ARHGEF4: variants seen among roughly 807,000 people sequenced by gnomAD.
ARHGEF4 encodes the protein APC-stimulated guanine nucleotide exchange factor 1.
In ARHGEF4, 119 loss-of-function variants were observed where a neutral mutation model predicts 162.0. That is an observed-to-expected ratio of 0.73 (90% CI 0.63 to 0.86). The LOEUF (loss-of-function observed/expected upper bound fraction) is 0.86. Ranked by LOEUF, ARHGEF4 falls within the 40% of genes least tolerant of loss-of-function variation. ARHGEF4 has a pLI of 0.00. For synonymous variants in ARHGEF4, 1,014 were observed against 979.9 expected, an observed-to-expected ratio of 1.03 and a Z score of -0.65; for missense variants, 2,488 against 2,456.0, an observed-to-expected ratio of 1.01 and a Z score of -0.28.
chr2:130,960,029 TCATA>T (rs1684537627), intron 4 of ARHGEF4, among the ~76,000 whole-genome samples: 1 of 152,224 alleles, frequency 6.6e-6, no homozygotes, highest in African/African-American at 2.4e-5. Flanking sequence ...CATTATTAAT[TCATA>T]CATACATAAT....
chr2:130,882,046 C>T (rs577483584), intron 1 of ARHGEF4, among the ~76,000 whole-genome samples: 2 of 152,168 alleles, frequency 1.3e-5, no homozygotes, highest in Non-Finnish European at 1.5e-5. Flanking sequence ...GGACAGGAAG[C>T]GAGCCTGGGC....
intron 1 of ARHGEF4, among the ~76,000 whole-genome samples, chr2:130,843,294 G>A (rs975910480): frequency 2.6e-5 from 4 of 152,166 alleles, no homozygotes; most frequent in Non-Finnish European, 5.9e-5. Flanking sequence ...CTGCCAGGGA[G>A]CCACCTACAT....
intron 4 of ARHGEF4, among the ~76,000 whole-genome samples, chr2:130,976,342 T>C (rs947723425): frequency 1.5e-5 from 1 of 67,292 alleles, no homozygotes; most frequent in African/African-American, 3.7e-5. Flanking sequence ...CGTGTGTGTG[T>C]GTGTGTCTGT....
At position 131,046,998 on chromosome 2, in the gene ARHGEF4, T is replaced by C. The variant is rs1023839761; in HGVS notation, c.*809T>C. ...TTCTTAGTGACACAGAAGATTGCCT[T>C]ACGCTCGTGAGCGTGAGAAGCCATA... On this transcript the variant is annotated 3_prime_UTR_variant, in exon 14 of 14. Coordinates refer to ENST00000409359, the MANE Select transcript of ARHGEF4 (RefSeq NM_001367493.1). 1.3e-5 allele frequency: 2 copies of C among 152,586 alleles called. No homozygotes were observed. Among genetic ancestry groups the C allele is most frequent in the African/African-American group, 4.8e-5 (2 of 41,474 alleles). 9.5% of individuals were successfully genotyped at this position (152,586 alleles called of 1,614,324 possible).
Position 131,023,074 on chromosome 2 carries a change from C to CAAA in ARHGEF4, c.3986-4852_3986-4850dup, listed in dbSNP as rs56868632. Among the ~76,000 whole-genome samples the CAAA allele has an allele frequency of 7.7e-4, 51 of 66,620 alleles. 3 individuals carry two copies. Among genetic ancestry groups the CAAA allele is most frequent in the East Asian group, 3.2e-3 (6 of 1,894 alleles). 43.7% of individuals were successfully genotyped at this position (66,620 alleles called of 152,430 possible). A position where few individuals can be genotyped will look rare whatever the true frequency, so the allele number is the denominator to read the frequency against. ...TGGGCAACATGGTGAAACCCTGTCT[C>CAAA]AAAAAAAAAAAAAAAAAAAAAGAAC... On this transcript the variant is annotated intron_variant, in intron 4 of 13. Transcript: ENST00000409359.
At chr2:131,019,923 C>T (rs1348559487) in intron 4 of ARHGEF4, among the ~76,000 whole-genome samples, 1 of 152,172 alleles carries the variant, frequency 6.6e-6, no homozygotes, top group Non-Finnish European at 1.5e-5. Flanking sequence ...CGTGAGCCAC[C>T]ATGCCTGGCC....
At chr2:130,909,086 A>G (rs1681016867) in intron 1 of ARHGEF4, among the ~76,000 whole-genome samples, 1 of 152,168 alleles carries the variant, frequency 6.6e-6, no homozygotes, top group African/African-American at 2.4e-5. Context: ...GGAGTGAGGA[A>G]GGGAATGGAG....
intron 1 of ARHGEF4, among the ~76,000 whole-genome samples, chr2:130,846,658 G>A (rs1680986214): frequency 1.3e-5 from 2 of 152,206 alleles, no homozygotes; most frequent in South Asian, 2.1e-4. Flanking sequence ...CTCAGGAGGT[G>A]CGGGGGCAGC....
chr2:130,906,657 C>T (rs1245508400), intron 1 of ARHGEF4, among the ~76,000 whole-genome samples: 1 of 152,222 alleles, frequency 6.6e-6, no homozygotes, highest in Non-Finnish European at 1.5e-5. Flanking sequence ...GATTGCTAAC[C>T]CATAACTCTG....
At position 131,040,155 on chromosome 2, in the gene ARHGEF4, A is replaced by G; in HGVS notation, c.4445A>G (p.Glu1482Gly). Residue 1482 changes from glutamate to glycine, a missense_variant, in exon 7 of 14, where the codon GAG becomes GGG. Coordinates refer to ENST00000409359, the MANE Select transcript of ARHGEF4 (RefSeq NM_001367493.1). Reference protein sequence around the residue: ...TNVINEILSTERDYIKHLRDI... With the variant: ...TNVINEILSTGRDYIKHLRDI... ...GTCATCAACGAGATCCTCAGCACTGAGCGGGACTACATCAAGCACCTGCGC... is the reference window on the plus strand; with the variant it reads ...GTCATCAACGAGATCCTCAGCACTGGGCGGGACTACATCAAGCACCTGCGC... 1.2e-6 allele frequency: 2 copies of G among 1,613,298 alleles called. No individual in the cohort carries two copies. The highest frequency in any genetic ancestry group is 1.7e-6 in the Non-Finnish European group (2 of 1,179,728).
At chr2:130,955,503 G>A (rs1032604490) in intron 4 of ARHGEF4, among the ~76,000 whole-genome samples, 1 of 152,132 alleles carries the variant, frequency 6.6e-6, no homozygotes, top group African/African-American at 2.4e-5. Flanking sequence ...GTGGGGTTAA[G>A]CTTCTGATGT....
chr2:130,927,537 T>A (rs1241053474), intron 2 of ARHGEF4, among the ~76,000 whole-genome samples: 1 of 152,200 alleles, frequency 6.6e-6, no homozygotes, highest in Non-Finnish European at 1.5e-5. Flanking sequence ...TTTTACCTAA[T>A]GTTTGGCTTG....
chr2:131,020,202 A>G (rs13023188), intron 4 of ARHGEF4, among the ~76,000 whole-genome samples: 127,618 of 152,016 alleles, frequency 0.84, 56,387 homozygotes, highest in Non-Finnish European at 0.98. Context: ...TATTTTATTT[A>G]TTATACTTTA....
intron 1 of ARHGEF4, among the ~76,000 whole-genome samples, chr2:130,848,868 G>T (rs996473251): frequency 6.6e-6 from 1 of 152,144 alleles, no homozygotes; most frequent in African/African-American, 2.4e-5. Flanking sequence ...TGAAGAGGAG[G>T]TGCCAGGCAC....
chr2:130,840,632 G>A (rs933080465), intron 1 of ARHGEF4, among the ~76,000 whole-genome samples: 1 of 152,230 alleles, frequency 6.6e-6, no homozygotes, highest in Non-Finnish European at 1.5e-5. Context: ...GAGCACTCAG[G>A]AACTAGGGAA....
At chr2:130,942,619 G>A (rs1399981064) in intron 3 of ARHGEF4, among the ~76,000 whole-genome samples, 2 of 152,182 alleles carry the variant, frequency 1.3e-5, no homozygotes, top group African/African-American at 4.8e-5. Flanking sequence ...TAACGCATAC[G>A]TTGAGTGAAT....
At chr2:130,957,136 TTTTG>T (rs1308680330) in intron 4 of ARHGEF4, among the ~76,000 whole-genome samples, 1 of 152,022 alleles carries the variant, frequency 6.6e-6, no homozygotes, top group Non-Finnish European at 1.5e-5. Context: ...TTTAATAGTT[TTTTG>T]TTTTTTACAT....
intron 1 of ARHGEF4, among the ~76,000 whole-genome samples, chr2:130,848,526 A>G (rs1038905747): frequency 6.6e-6 from 1 of 152,106 alleles, no homozygotes; most frequent in African/African-American, 2.4e-5. Flanking sequence ...CCCTCCCCAC[A>G]TGGGTGTGCA....
At position 130,916,173 on chromosome 2, in the gene ARHGEF4, A is replaced by C; in HGVS notation, c.2227A>C (p.Ser743Arg). Residue 743 changes from serine to arginine, a missense_variant, in exon 2 of 14, where the codon AGC becomes CGC. By Grantham distance (110) the Ser-to-Arg change is moderately radical. Coordinates refer to ENST00000409359, the MANE Select transcript of ARHGEF4 (RefSeq NM_001367493.1). ...PGERLRGESR[S>R]SGSGERGPEE... is the part of the protein sequence containing the mutation. ...AGAGAGACTGCGTGGGGAGAGCCGG[A>C]GCTCCGGGTCAGGGGAGCGTGGCCC... 6.5e-7 allele frequency: 1 copy of C among 1,548,602 alleles called. No individual in the cohort carries two copies. The highest frequency in any genetic ancestry group is 8.7e-7 in the Non-Finnish European group (1 of 1,146,820).
Sources: allele counts gnomAD v4.1 joint callset (sites outside exome capture counted in the v4.1 genomes callset), GRCh38; gene constraint gnomAD v4.1.1; transcripts MANE v1.5; gene names NCBI Gene and HGNC (gene_info 2026-07-23, HGNC 2026-07-21).